The following NPSR1 variants were observed in gnomAD, a reference collection of about 807,000 sequenced individuals.
NPSR1 encodes the protein neuropeptide S receptor 1, also known as neuropeptide S receptor.
In NPSR1, 48 loss-of-function variants were observed where a neutral mutation model predicts 46.9. The observed-to-expected ratio is 1.02, with a 90% CI of 0.81 to 1.30. The LOEUF (loss-of-function observed/expected upper bound fraction) is 1.30. Ranked by LOEUF, NPSR1 falls within the 50% of genes most tolerant of loss-of-function variation. The pLI, the probability that NPSR1 is intolerant of heterozygous loss-of-function variation, is 0.00. For missense variants in NPSR1, 450 were observed against 449.5 expected, an observed-to-expected ratio of 1.00 and a Z score of -0.01; for synonymous variants, 176 against 168.1, an observed-to-expected ratio of 1.05 and a Z score of -0.36.
chr7:34,812,148 C>CAGCTTG (rs1789016520), intron 4 of NPSR1, among the ~76,000 whole-genome samples: 1 of 152,172 alleles, frequency 6.6e-6, no homozygotes, highest in Non-Finnish European at 1.5e-5. Context: ...TGTGACCATT[C>CAGCTTG]AGCTTGATGC....
intron 8 of NPSR1, among the ~76,000 whole-genome samples, chr7:34,867,287 A>C (rs114360783): frequency 0.015 from 2,216 of 151,708 alleles, 104 homozygotes; most frequent in African/African-American, 0.049. Flanking sequence ...GCCCTGGAGA[A>C]GATGGCAAAG....
chr7:34,685,190 G>A (rs745389808), intron 2 of NPSR1, among the ~76,000 whole-genome samples: 9 of 152,182 alleles, frequency 5.9e-5, no homozygotes, highest in South Asian at 2.1e-4. Flanking sequence ...CTCAAGGATC[G>A]GGATGCTTAA....
At chr7:34,844,849 T>C (rs766397934) in intron 6 of NPSR1, 47 bp from the exon 7 acceptor site, 1 of 1,161,586 alleles carries the variant, frequency 8.6e-7, no homozygotes, top group Non-Finnish European at 1.3e-6. Context: ...ACAGAAACTG[T>C]CACATCTTGA....
At chr7:34,819,630 A>G (rs182486953) in intron 4 of NPSR1, among the ~76,000 whole-genome samples, 1 of 152,306 alleles carries the variant, frequency 6.6e-6, no homozygotes, top group African/African-American at 2.4e-5. Flanking sequence ...GTTTATTGCT[A>G]TTGCAGCACT....
intron 3 of NPSR1, among the ~76,000 whole-genome samples, chr7:34,789,757 A>G (rs539880212): frequency 6.6e-6 from 1 of 151,366 alleles, no homozygotes; most frequent in South Asian, 2.1e-4. Flanking sequence ...AAAAAAAAAA[A>G]AAAAAAATAG....
chr7:34,877,670 A>G (rs1791609866), intron 8 of NPSR1, among the ~76,000 whole-genome samples: 1 of 152,214 alleles, frequency 6.6e-6, no homozygotes, highest in Admixed American at 6.5e-5. Flanking sequence ...GGTGACAGAT[A>G]TGGAAGAACA....
chr7:34,750,977 G>T, intron 2 of NPSR1: 1 of 766,412 alleles, frequency 1.3e-6, no homozygotes, highest in Non-Finnish European at 2.4e-6. Flanking sequence ...AGATTGCATT[G>T]CCCTTGTGGA....
At position 34,827,544 on chromosome 7, in the gene NPSR1, A is replaced by T; in HGVS notation, c.622A>T (p.Thr208Ser). ...WALWPDDSYW[T>S]PYMTIVAFLV... Reference sequence around the variant, plus strand: ...CCTGTGGCCTGACGACTCCTACTGGACCCCATACATGACCATCGTGGCCTT... The same window carrying T: ...CCTGTGGCCTGACGACTCCTACTGGTCCCCATACATGACCATCGTGGCCTT... The change falls in exon 5 of 9, where the codon ACC becomes TCC. Residue 208 changes from threonine to serine, a missense_variant. Physicochemically the swap from Thr to Ser is moderately conservative, Grantham distance 58. Coordinates refer to ENST00000360581, the MANE Select transcript of NPSR1 (RefSeq NM_207172.2). 1 of 1,542,896 alleles carries T rather than the reference A, an allele frequency of 6.5e-7. No homozygotes were observed. The highest frequency in any genetic ancestry group is 8.8e-7 in the Non-Finnish European group (1 of 1,141,210).
intron 2 of NPSR1, among the ~76,000 whole-genome samples, chr7:34,702,027 C>T (rs1157723911): frequency 6.6e-6 from 1 of 152,128 alleles, no homozygotes; most frequent in Admixed American, 6.5e-5. Context: ...TAAAGAAGTC[C>T]GGACGTAGGT....
At chr7:34,833,045 G>T (rs1475320653) in intron 5 of NPSR1, among the ~76,000 whole-genome samples, 1 of 152,108 alleles carries the variant, frequency 6.6e-6, no homozygotes, top group African/African-American at 2.4e-5. Context: ...CACTTGGAGG[G>T]GTTCACTCAG....
At chr7:34,781,672 G>C (rs1787238770) in intron 3 of NPSR1, among the ~76,000 whole-genome samples, 1 of 152,156 alleles carries the variant, frequency 6.6e-6, no homozygotes, top group South Asian at 2.1e-4. Context: ...CCAAGAAGCA[G>C]TTGCTGTCGA....
intron 8 of NPSR1, among the ~76,000 whole-genome samples, chr7:34,855,287 T>C (rs1288054549): frequency 6.6e-6 from 1 of 151,280 alleles, no homozygotes; most frequent in Non-Finnish European, 1.5e-5. Context: ...GAAACAAACA[T>C]AATAAAAAGC....
At chr7:34,794,218 A>G (rs1426059300) in intron 3 of NPSR1, among the ~76,000 whole-genome samples, 2 of 152,154 alleles carry the variant, frequency 1.3e-5, no homozygotes, top group Non-Finnish European at 2.9e-5. Context: ...TGAAGAAAGG[A>G]TTTTAAATGT....
intron 2 of NPSR1, among the ~76,000 whole-genome samples, chr7:34,754,272 C>T (rs1785699304): frequency 6.6e-6 from 1 of 152,112 alleles, no homozygotes. Context: ...TGTTCTTGTA[C>T]CTCAGTCTCT....
intron 2 of NPSR1, among the ~76,000 whole-genome samples, chr7:34,745,742 G>A (rs991686518): frequency 2.0e-5 from 3 of 152,082 alleles, no homozygotes; most frequent in African/African-American, 7.2e-5. Context: ...TTAAACTCCT[G>A]GTCACAAACA....
chr7:34,834,578 C>T, intron 6 of NPSR1, 118 bp downstream of exon 6: 1 of 762,308 alleles, frequency 1.3e-6, no homozygotes, highest in Middle Eastern at 2.4e-4. Flanking sequence ...CATATCAGGA[C>T]CCAGCCGGCA....
chr7:34,821,322 G>T (rs1789551701), intron 4 of NPSR1, among the ~76,000 whole-genome samples: 1 of 151,832 alleles, frequency 6.6e-6, no homozygotes. Flanking sequence ...TAGAGATGGG[G>T]TTTCACCGTG....
intron 2 of NPSR1, among the ~76,000 whole-genome samples, chr7:34,713,487 T>C (rs975027990): frequency 6.6e-6 from 1 of 152,048 alleles, no homozygotes; most frequent in Admixed American, 6.6e-5. Flanking sequence ...TATAATATTA[T>C]GCATATTTTA....
intron 1 of NPSR1, among the ~76,000 whole-genome samples, chr7:34,659,581 C>T (rs1452022662): frequency 6.6e-6 from 1 of 152,174 alleles, no homozygotes; most frequent in Non-Finnish European, 1.5e-5. Context: ...AGGGTGCTGT[C>T]CCAGGAGTCA....
Sources: gnomAD v4.1 joint callset for allele counts (sites outside exome capture counted in the v4.1 genomes callset) on GRCh38, gnomAD v4.1.1 for gene constraint, MANE v1.5 for transcripts, NCBI Gene and HGNC (gene_info 2026-07-23, HGNC 2026-07-21) for gene names.